NBN: variants seen among roughly 807,000 people sequenced by gnomAD.
NBN encodes the protein Nijmegen breakage syndrome 1 (nibrin).
A neutral mutation model predicts 90.8 loss-of-function variants in NBN; 88 were observed. The ratio of observed to expected loss-of-function variants is 0.97; its 90% confidence interval spans 0.82 to 1.16. NBN has a LOEUF of 1.16. Among genes scored for constraint, NBN ranks in the 50% most tolerant of loss-of-function variants. NBN has a pLI of 0.00. For missense variants in NBN, 894 were observed against 869.6 expected, an observed-to-expected ratio of 1.03 and a Z score of -0.35; for synonymous variants, 328 against 295.1, an observed-to-expected ratio of 1.11 and a Z score of -1.14.
intron 9 of NBN, 129 bp downstream of exon 9, chr8:89,958,596 T>G: frequency 8.7e-7 from 1 of 1,146,958 alleles, no homozygotes; most frequent in African/African-American, 1.5e-5. Flanking sequence ...AGATATCATT[T>G]TCCCTGGTAT....
At chr8:89,943,954 A>G (rs1043417987) in intron 13 of NBN, among the ~76,000 whole-genome samples, 3 of 152,250 alleles carry the variant, frequency 2.0e-5, no homozygotes, top group African/African-American at 7.2e-5. Context: ...CATTGTTAAT[A>G]GTAACAGTTC....
chr8:89,966,334 AAAG>A (rs1021626683), intron 7 of NBN, among the ~76,000 whole-genome samples: 35 of 152,234 alleles, frequency 2.3e-4, no homozygotes, highest in African/African-American at 7.7e-4. Flanking sequence ...TATTAGGAAA[AAAG>A]AGGAGTCTGG....
intron 11 of NBN, among the ~76,000 whole-genome samples, chr8:89,951,311 C>CA (rs71268296): frequency 0.13 from 8,846 of 67,952 alleles, 1,669 homozygotes; most frequent in African/African-American, 0.41. Context: ...GACTCTGTCT[C>CA]AAAAAAAAAA....
chr8:89,966,460 A>G (rs1237963575), intron 7 of NBN, among the ~76,000 whole-genome samples: 3 of 152,228 alleles, frequency 2.0e-5, no homozygotes, highest in African/African-American at 4.8e-5. Flanking sequence ...TAATAATATC[A>G]GAGAATATGT....
chr8:89,984,265 G>T, intron 1 of NBN: 1 of 577,512 alleles, frequency 1.7e-6, no homozygotes, highest in Non-Finnish European at 3.1e-6. Flanking sequence ...GGGAGGGAGG[G>T]GGAGTCAGGG....
In NBN at chr8:89,943,298, A is replaced by G. The variant is rs755274971; in HGVS notation, c.2139T>C (p.Ala713=). 49 of 1,613,634 alleles carry G rather than the reference A, an allele frequency of 3.0e-5. No homozygotes were observed. Among genetic ancestry groups the G allele is most frequent in the Non-Finnish European group, 4.2e-5 (49 of 1,179,702 alleles). ...IGGSDLIAHH[A]RKNTELEEWL... is the part of the protein sequence containing the mutation. ...ACTCTTCTAGTTCTGTATTCTTTCG[A>G]GCATGATGAGCTATTAGATCTGATC... Residue 713 remains alanine, a synonymous_variant, in exon 14 of 16, where the codon GCT becomes GCC. Coordinates refer to ENST00000265433, the MANE Select transcript of NBN (RefSeq NM_002485.5).
Position 89,970,458 on chromosome 8 carries a change from T to C in NBN, c.802A>G (p.Thr268Ala), listed in dbSNP as rs2129829282. ...GTTATTCCTGTATCAACAACACACGTTCCCGGAGCCAAAAAGAAATTATGT... is the reference window on the plus strand; with the variant it reads ...GTTATTCCTGTATCAACAACACACGCTCCCGGAGCCAAAAAGAAATTATGT... The part of the protein sequence containing the change: ...EEHNFFLAPG[T>A]CVVDTGITNS... Residue 268 changes from threonine to alanine, a missense_variant, in exon 7 of 16, where the codon ACG (threonine) becomes GCG (alanine). Thr to Ala is a moderately conservative substitution (Grantham distance 58). Coordinates refer to ENST00000265433, the MANE Select transcript of NBN (RefSeq NM_002485.5). 1 of 1,614,068 alleles carries C rather than the reference T, an allele frequency of 6.2e-7. No individual in the cohort carries two copies. The highest frequency in any genetic ancestry group is 8.5e-7 in the Non-Finnish European group (1 of 1,179,930).
At chr8:89,979,303 G>C (rs2129898410) in intron 4 of NBN, among the ~76,000 whole-genome samples, 1 of 152,152 alleles carries the variant, frequency 6.6e-6, no homozygotes, top group South Asian at 2.1e-4. Flanking sequence ...AATAACACAG[G>C]GTATTTTATT....
Position 89,934,779 on chromosome 8 carries a change from T to C in NBN, c.*803A>G, listed in dbSNP as rs13312982. The C allele has an allele frequency of 1.9e-3, 433 of 233,098 alleles. 2 individuals carry two copies. The highest frequency in any genetic ancestry group is 9.2e-3 in the African/African-American group (417 of 45,462). The allele number at this position is 233,098 out of a possible 1,614,324, so 14.4% of individuals were successfully genotyped here. ...CATTCATTGTTTCTTACCATCTCCC[T>C]TTAAGGTAGAAAAAGAAAACAATCT... On this transcript the variant is annotated 3_prime_UTR_variant, in exon 16 of 16. Transcript: ENST00000265433.
Position 89,980,969 on chromosome 8 carries a change from T to C in NBN, c.321-76A>G, listed in dbSNP as rs1213655669. 4 of 1,277,762 alleles carry C rather than the reference T, an allele frequency of 3.1e-6. No individual in the cohort carries two copies. The African/African-American group carries it at 4.4e-5, about 14-fold the overall frequency. 79.2% of individuals were successfully genotyped at this position (1,277,762 alleles called of 1,614,324 possible). ...TGGCAATTTTTAGTACTTTAAAACT[T>C]TAAGCTCACATCATATACTGTTATT... is the stretch of plus-strand genomic sequence containing the variant. On this transcript the variant is annotated intron_variant, in intron 3 of 15. Coordinates refer to ENST00000265433, the MANE Select transcript of NBN (RefSeq NM_002485.5).
chr8:89,968,922 T>C (rs540666594), intron 7 of NBN, among the ~76,000 whole-genome samples: 2 of 152,348 alleles, frequency 1.3e-5, no homozygotes, highest in East Asian at 1.9e-4. Flanking sequence ...TTTTGTTATA[T>C]AGTATATCTT....
rs759232053 is a variant in NBN at position 89,953,573 on chromosome 8, GC to G, written c.1515del (p.Glu505AspfsTer24). The G allele has an allele frequency of 1.9e-6, 3 of 1,613,630 alleles. No individual in the cohort carries two copies. Among genetic ancestry groups the G allele is most frequent in the Admixed American group, 1.7e-5 (1 of 59,998 alleles). On this transcript the variant is annotated frameshift_variant, in exon 11 of 16. Transcript: ENST00000265433. LOFTEE classifies it high-confidence loss of function. ...ACAGGCTCATTCTCAGATAGATGCT[GC>G]TCCTTATTTTTCCACAATGAGGGTG... ...PATPSLWKNK[E>X]QHLSENEPVD...
At chr8:89,977,978 C>T (rs1811846370) in intron 5 of NBN, among the ~76,000 whole-genome samples, 1 of 152,184 alleles carries the variant, frequency 6.6e-6, no homozygotes. Flanking sequence ...ACTGTCTTTC[C>T]ATTTTTTTCT....
intron 8 of NBN, 87 bp downstream of exon 8, chr8:89,964,323 C>T: frequency 1.4e-6 from 2 of 1,432,250 alleles, no homozygotes; most frequent in Admixed American, 3.4e-5. Flanking sequence ...ATGGTCACCC[C>T]TAGCAAGTAT....
At chr8:89,968,426 G>A (rs1811352321) in intron 7 of NBN, among the ~76,000 whole-genome samples, 1 of 152,050 alleles carries the variant, frequency 6.6e-6, no homozygotes, top group Admixed American at 6.6e-5. Flanking sequence ...AACTGCCTGG[G>A]CTCACATCCT....
Position 89,982,777 on chromosome 8 carries a change from T to G in NBN, c.116A>C (p.Gln39Pro). ...CACAGCATGATTTCGGCTGATCGAC[T>G]GATCATTTTCAATCAGAATGGCACA... ...KNCAILIEND[Q>P]SISRNHAVLT... The change falls in exon 2 of 16, where the codon CAG (glutamine) becomes CCG (proline). Residue 39 changes from glutamine to proline, a missense_variant. By Grantham distance (76) the Gln-to-Pro change is moderately conservative. Coordinates refer to ENST00000265433, the MANE Select transcript of NBN (RefSeq NM_002485.5). The G allele has an allele frequency of 6.2e-7, 1 of 1,613,938 alleles. No homozygotes were observed.
chr8:89,938,578 G>A (rs907574622), intron 14 of NBN, among the ~76,000 whole-genome samples: 1 of 151,938 alleles, frequency 6.6e-6, no homozygotes, highest in South Asian at 2.1e-4. Context: ...ACTTAGGTTA[G>A]GTAAACCTGC....
Position 89,981,525 on chromosome 8 carries a change from T to C in NBN, c.172-2A>G. ...TACAGGGATTTCATCTGTTTGACTC[T>C]GAAAAGTTAGCAAATAATTTAAAGT... On this transcript the variant is annotated splice_acceptor_variant, in intron 2 of 15. Transcript: ENST00000265433. LOFTEE classifies it high-confidence loss of function. 1 of 1,612,850 alleles carries C rather than the reference T, an allele frequency of 6.2e-7. No homozygotes were observed. Among genetic ancestry groups the C allele is most frequent in the Non-Finnish European group, 8.5e-7 (1 of 1,179,142 alleles).
At position 89,984,598 on chromosome 8, in the gene NBN, C is replaced by G. The variant is rs543890002; in HGVS notation, c.-37G>C. The G allele has an allele frequency of 2.5e-6, 4 of 1,611,096 alleles. No individual in the cohort carries two copies. Among genetic ancestry groups the G allele is most frequent in the East Asian group, 2.2e-5 (1 of 44,792 alleles). ...CTCAGGGCTGGGGCCGACGTGCAAC[C>G]GCGTAACCGGGGCTGCTAGACGAGC... On this transcript the variant is annotated 5_prime_UTR_variant, in exon 1 of 16. Coordinates refer to ENST00000265433, the MANE Select transcript of NBN (RefSeq NM_002485.5).
Sources: allele counts gnomAD v4.1 joint callset (sites outside exome capture counted in the v4.1 genomes callset), GRCh38; gene constraint gnomAD v4.1.1; transcripts MANE v1.5; gene names NCBI Gene and HGNC (gene_info 2026-07-23, HGNC 2026-07-21).